Variants in BLK observed in about 807,000 individuals in gnomAD.
BLK encodes tyrosine-protein kinase Blk.
A neutral mutation model predicts 61.8 loss-of-function variants in BLK; 64 were observed. That is an observed-to-expected ratio of 1.03 (90% CI 0.85 to 1.27). BLK has a LOEUF of 1.27. Among genes scored for constraint, BLK ranks in the 50% most tolerant of loss-of-function variants. The pLI is 0.00. For missense variants in BLK, 853 were observed against 660.5 expected, an observed-to-expected ratio of 1.29 and a Z score of -3.19; for synonymous variants, 351 against 272.0, an observed-to-expected ratio of 1.29 and a Z score of -2.86.
At chr8:11,541,763 G>C (rs1800391268) in intron 1 of BLK, among the ~76,000 whole-genome samples, 2 of 152,088 alleles carry the variant, frequency 1.3e-5, no homozygotes, top group East Asian at 3.8e-4. Flanking sequence ...CTTCCAAAGT[G>C]CTGGGATTAC....
intron 1 of BLK, among the ~76,000 whole-genome samples, chr8:11,523,879 G>A (rs867312835): frequency 6.6e-6 from 1 of 151,516 alleles, no homozygotes; most frequent in South Asian, 2.1e-4. Context: ...ATTGTCCAGG[G>A]ACTGGAGAAA....
rs190334494 is a variant in BLK, at chr8:11,548,308, G to A, written c.269+183G>A. 9.6e-3 allele frequency among the ~76,000 whole-genome samples: 1,460 copies of A among 152,138 alleles called. 8 individuals carry two copies. Among genetic ancestry groups the A allele is most frequent in the Non-Finnish European group, 0.016 (1,114 of 68,004 alleles). On this transcript the variant is annotated intron_variant, in intron 4 of 12. Transcript: ENST00000259089. Reference sequence around the variant, plus strand: ...TTGTCTTCCTCTCCAAAATCTTTCCGGTGAAGTAATTTCCATTCACAACCT... The same window carrying A: ...TTGTCTTCCTCTCCAAAATCTTTCCAGTGAAGTAATTTCCATTCACAACCT...
At chr8:11,517,561 C>G (rs1366050847) in intron 1 of BLK, among the ~76,000 whole-genome samples, 2 of 152,222 alleles carry the variant, frequency 1.3e-5, no homozygotes, top group Admixed American at 6.5e-5. Flanking sequence ...TGTAGCAGCT[C>G]AAGCCTTCCT....
In BLK at chr8:11,554,839, C is replaced by A. The variant is rs200875749; in HGVS notation, c.569C>A (p.Ser190Tyr). Reference sequence around the variant, plus strand: ...CTGGATGAAGGGGGCTACTACATCTCCCCCCGGATCACCTTCCCCTCGCTC... The same window carrying A: ...CTGGATGAAGGGGGCTACTACATCTACCCCCGGATCACCTTCCCCTCGCTC... ...RCLDEGGYYI[S>Y]PRITFPSLQA... The change falls in exon 7 of 13, where the codon TCC becomes TAC. Residue 190 changes from serine to tyrosine, a missense_variant. Transcript: ENST00000259089. 2.1e-5 allele frequency: 34 copies of A among 1,613,646 alleles called. No homozygotes were observed. The highest frequency in any genetic ancestry group is 2.8e-5 in the Non-Finnish European group (33 of 1,179,956).
chr8:11,525,397 T>C (rs80047322), intron 1 of BLK, among the ~76,000 whole-genome samples: 3,070 of 152,324 alleles, frequency 0.02, 97 homozygotes, highest in African/African-American at 0.07. Context: ...AATGTCCAGG[T>C]ATTTTCTTTT....
intron 9 of BLK, 142 bp downstream of exon 9, chr8:11,556,979 GGA>G: frequency 6.3e-6 from 5 of 789,450 alleles, no homozygotes; most frequent in African/African-American, 3.5e-5. Context: ...GGACAGGGAG[GGA>G]TGGAGGGAGG....
chr8:11,543,782 C>T (rs1166318830), intron 2 of BLK, among the ~76,000 whole-genome samples: 2 of 152,092 alleles, frequency 1.3e-5, no homozygotes, highest in African/African-American at 4.8e-5. Flanking sequence ...CCCGAGCAGG[C>T]TCTTAAGTTT....
intron 6 of BLK, chr8:11,553,340 C>T: frequency 2.4e-6 from 1 of 415,416 alleles, no homozygotes; most frequent in South Asian, 1.8e-5. Flanking sequence ...AGAGCCAGGC[C>T]CTGCCTGCCC....
chr8:11,504,309 C>T (rs1444975386), intron 1 of BLK, among the ~76,000 whole-genome samples: 8 of 141,580 alleles, frequency 5.7e-5, no homozygotes, highest in South Asian at 4.4e-4. Flanking sequence ...AGCAACAGAG[C>T]GAGATTCCAT....
intron 1 of BLK, among the ~76,000 whole-genome samples, chr8:11,513,273 G>A (rs895822179): frequency 3.3e-5 from 5 of 152,130 alleles, no homozygotes; most frequent in Admixed American, 6.5e-5. Context: ...GGTAGGAAGG[G>A]GGAGATGGAA....
At chr8:11,515,839 A>T (rs1799203022) in intron 1 of BLK, among the ~76,000 whole-genome samples, 3 of 152,228 alleles carry the variant, frequency 2.0e-5, no homozygotes, top group Non-Finnish European at 4.4e-5. Context: ...GAATTGCTTT[A>T]GTTGTTCATG....
chr8:11,514,658 C>G (rs554989893), intron 1 of BLK, among the ~76,000 whole-genome samples: 2 of 152,154 alleles, frequency 1.3e-5, no homozygotes, highest in African/African-American at 4.8e-5. Context: ...CCTCTGGGCT[C>G]GAGTAGCCCG....
chr8:11,534,902 G>A (rs564931414), intron 1 of BLK, among the ~76,000 whole-genome samples: 3 of 152,284 alleles, frequency 2.0e-5, no homozygotes, highest in South Asian at 2.1e-4. Context: ...CAGATGCAGC[G>A]GCTCATGCCT....
Position 11,562,998 on chromosome 8 carries a change from G to C in BLK, c.1200G>C (p.Lys400Asn). The C allele has an allele frequency of 6.2e-7, 1 of 1,614,154 alleles. No individual in the cohort carries two copies. Among genetic ancestry groups the C allele is most frequent in the Non-Finnish European group, 8.5e-7 (1 of 1,180,030 alleles). The change falls in exon 12 of 13, where the codon AAG (lysine) becomes AAC (asparagine). Residue 400 changes from lysine (K) to asparagine (N), a missense_variant. By Grantham distance (94) the Lys-to-Asn change is moderately conservative. Coordinates refer to ENST00000259089, the MANE Select transcript of BLK (RefSeq NM_001715.3). ...TAQEGAKFPI[K>N]WTAPEAIHFG... ...CCACAGGGGCCAAGTTCCCCATCAA[G>C]TGGACAGCCCCGGAAGCCATCCACT...
At chr8:11,513,796 T>C (rs1358342026) in intron 1 of BLK, among the ~76,000 whole-genome samples, 1 of 152,286 alleles carries the variant, frequency 6.6e-6, no homozygotes, top group South Asian at 2.1e-4. Context: ...GTGATTTAAG[T>C]GTGGTTGGCG....
intron 1 of BLK, among the ~76,000 whole-genome samples, chr8:11,540,204 TA>T (rs1800315057): frequency 6.6e-6 from 1 of 152,198 alleles, no homozygotes; most frequent in African/African-American, 2.4e-5. Context: ...ATTTATTTTT[TA>T]ATATCATGTG....
intron 1 of BLK, among the ~76,000 whole-genome samples, chr8:11,511,173 C>T (rs1209403726): frequency 6.6e-6 from 1 of 152,168 alleles, no homozygotes. Context: ...AAAGTTCCAC[C>T]CAACGGAGTG....
chr8:11,535,402 G>A (rs1481088225), intron 1 of BLK, among the ~76,000 whole-genome samples: 1 of 152,214 alleles, frequency 6.6e-6, no homozygotes, highest in Non-Finnish European at 1.5e-5. Context: ...AATGACTGTA[G>A]CACACACTCT....
intron 1 of BLK, among the ~76,000 whole-genome samples, chr8:11,535,310 A>AAGAAAGAAAGAAAGAAAGAAAG (rs1800085935): frequency 6.9e-6 from 1 of 145,002 alleles, no homozygotes; most frequent in Non-Finnish European, 1.5e-5. Context: ...GAAAGAAAGA[A>AAGAAAGAAAGAAAGAAAGAAAG]AGAAAGAAAG....
Sources: gnomAD v4.1 joint callset for allele counts (sites outside exome capture counted in the v4.1 genomes callset) on GRCh38, gnomAD v4.1.1 for gene constraint, MANE v1.5 for transcripts, NCBI Gene and HGNC (gene_info 2026-07-23, HGNC 2026-07-21) for gene names.